Variants in PMFBP1 observed in about 807,000 individuals in gnomAD.
PMFBP1 encodes polyamine modulated factor 1 binding protein 1.
PMFBP1 carries 131 observed loss-of-function variants against 137.8 expected under a neutral mutation model. The ratio of observed to expected loss-of-function variants is 0.95; its 90% CI spans 0.82 to 1.10. PMFBP1 has a LOEUF of 1.10. PMFBP1 is among the 50% of genes least tolerant of loss of function. PMFBP1 has a pLI of 0.00. For missense variants in PMFBP1, 1,199 were observed against 1,175.4 expected (o/e 1.02, Z -0.29); for synonymous variants, 490 against 450.4 (o/e 1.09, Z -1.11).
downstream of PMFBP1, among the ~76,000 whole-genome samples, chr16:72,118,660 G>A (rs2042332164): frequency 6.6e-6 from 1 of 152,140 alleles, no homozygotes; most frequent in Non-Finnish European, 1.5e-5. Flanking sequence ...AATATTAGCT[G>A]TCCTTAGAGT....
chr16:72,129,134 C>G lies in PMFBP1; in HGVS notation c.1882G>C (p.Glu628Gln), dbSNP rs749653850. 2.5e-6 allele frequency: 4 copies of G among 1,614,270 alleles called. No individual in the cohort carries two copies. In the East Asian group the frequency reaches 8.9e-5, roughly 36 times the overall value. The change falls in exon 13 of 21, where the codon GAG (glutamate) becomes CAG (glutamine). Residue 628 changes from glutamate to glutamine, a missense_variant. By Grantham distance (29) the Glu-to-Gln change is conservative. Transcript: ENST00000237353. Reference sequence around the variant, plus strand: ...TCTCCCTCCATCAGCTTCTCATGCTCTTTGCTCTTCTTCAACTGCTCCCGT... The same window carrying G: ...TCTCCCTCCATCAGCTTCTCATGCTGTTTGCTCTTCTTCAACTGCTCCCGT... ...DKREQLKKSK[E>Q]HEKLMEGELE... is the part of the protein sequence containing the mutation.
At chr16:72,194,282 C>T in the PMFBP1 span, among the ~76,000 whole-genome samples, 101 of 152,242 alleles carry the variant, frequency 6.6e-4, 1 homozygote, top group East Asian at 0.018. Flanking sequence ...AAAACTCATT[C>T]TGCTTTCTCT....
chr16:72,248,608 T>TA, the PMFBP1 span, among the ~76,000 whole-genome samples: 2 of 152,212 alleles, frequency 1.3e-5, no homozygotes, highest in Non-Finnish European at 2.9e-5. Flanking sequence ...CCAAAACAAA[T>TA]ACTTTGAAAG....
chr16:72,160,729 C>T (rs929243080), intron 3 of PMFBP1, among the ~76,000 whole-genome samples: 1 of 152,138 alleles, frequency 6.6e-6, no homozygotes, highest in African/African-American at 2.4e-5. Flanking sequence ...AGGAAGTTAA[C>T]ACTGTCCGGG....
the PMFBP1 span, among the ~76,000 whole-genome samples, chr16:72,238,411 CTT>C: frequency 6.6e-6 from 1 of 152,270 alleles, no homozygotes; most frequent in South Asian, 2.1e-4. Context: ...GCAATGTTGA[CTT>C]TTTATCATGT....
chr16:72,220,737 G>C, the PMFBP1 span, among the ~76,000 whole-genome samples: 1 of 152,228 alleles, frequency 6.6e-6, no homozygotes, highest in Middle Eastern at 3.2e-3. Context: ...AAGGTGGACA[G>C]TGCTGCAGTC....
At chr16:72,202,137 T>C in the PMFBP1 span, among the ~76,000 whole-genome samples, 1 of 152,154 alleles carries the variant, frequency 6.6e-6, no homozygotes, top group Admixed American at 6.5e-5. Context: ...AATGAATGAA[T>C]CAGTGAGTGA....
At chr16:72,200,316 T>A in the PMFBP1 span, among the ~76,000 whole-genome samples, 1 of 152,268 alleles carries the variant, frequency 6.6e-6, no homozygotes, top group Non-Finnish European at 1.5e-5. Context: ...AAACAGATTA[T>A]ATTTTCTAAT....
chr16:72,180,974 C>T (rs986351836), upstream of PMFBP1, among the ~76,000 whole-genome samples: 3 of 152,170 alleles, frequency 2.0e-5, no homozygotes, highest in Non-Finnish European at 4.4e-5. Context: ...GGAGCGGTAG[C>T]TCAGGCCTGT....
the PMFBP1 span, among the ~76,000 whole-genome samples, chr16:72,204,000 T>C: frequency 6.6e-6 from 1 of 152,186 alleles, no homozygotes; most frequent in Non-Finnish European, 1.5e-5. Context: ...CCTGTCTGCC[T>C]CTGTGCCACG....
upstream of PMFBP1, among the ~76,000 whole-genome samples, chr16:72,180,886 T>C (rs2043273896): frequency 6.6e-6 from 1 of 152,152 alleles, no homozygotes; most frequent in Non-Finnish European, 1.5e-5. Flanking sequence ...GTCCCCAAAA[T>C]GAGTGGAAGA....
At chr16:72,155,037 G>C (rs922030011) in intron 3 of PMFBP1, among the ~76,000 whole-genome samples, 2 of 152,076 alleles carry the variant, frequency 1.3e-5, no homozygotes, top group African/African-American at 4.8e-5. Flanking sequence ...GTGTGTGTGT[G>C]TATGTGTGTG....
chr16:72,241,052 A>G, the PMFBP1 span, among the ~76,000 whole-genome samples: 2 of 152,144 alleles, frequency 1.3e-5, no homozygotes, highest in Admixed American at 6.6e-5. Context: ...ATCTGTAAAC[A>G]TAACTTATGT....
Position 72,141,949 on chromosome 16 carries a change from C to T in PMFBP1, c.637-1367G>A, listed in dbSNP as rs183157443. Among the ~76,000 whole-genome samples, 107 of 150,168 alleles carry T rather than the reference C, an allele frequency of 7.1e-4. No homozygotes were observed. The East Asian group carries it at 0.016, about 22-fold the overall frequency. ...TCCCTAGATCGTTTGAAATCATGCA[C>T]GAAGGTTACTGCCCTCTTATTGGTT... On this transcript the variant is annotated intron_variant, in intron 5 of 20. Coordinates refer to ENST00000237353, the MANE Select transcript of PMFBP1 (RefSeq NM_031293.3).
rs1396422542 is a variant in PMFBP1 at position 72,135,815 on chromosome 16, G to A, written c.1203+633C>T. Among the ~76,000 whole-genome samples, 8 of 128,514 alleles carry A rather than the reference G, an allele frequency of 6.2e-5. No individual in the cohort carries two copies. In the South Asian group the frequency reaches 1.0e-3, roughly 17 times the overall value. 84.3% of individuals were successfully genotyped at this position (128,514 alleles called of 152,430 possible). On this transcript the variant is annotated intron_variant, in intron 9 of 20. Coordinates refer to ENST00000237353, the MANE Select transcript of PMFBP1 (RefSeq NM_031293.3). ...AGGCTGGAGTGCATGGCATGATCAC[G>A]ACTCACTGCAACCTCCACCTCCTGG...
the PMFBP1 span, among the ~76,000 whole-genome samples, chr16:72,229,515 TTTTTTTC>T: frequency 4.6e-5 from 7 of 152,174 alleles, no homozygotes; most frequent in Non-Finnish European, 2.9e-5. Flanking sequence ...CACCAATATT[TTTTTTTC>T]TTTTTTCTTT....
chr16:72,165,864 T>C (rs1347761301), intron 2 of PMFBP1, among the ~76,000 whole-genome samples: 2 of 152,142 alleles, frequency 1.3e-5, no homozygotes, highest in South Asian at 2.1e-4. Flanking sequence ...GACTGAGATA[T>C]AAATAGAATG....
At chr16:72,158,900 C>A (rs895499350) in intron 3 of PMFBP1, among the ~76,000 whole-genome samples, 46 of 152,106 alleles carry the variant, frequency 3.0e-4, no homozygotes, top group African/African-American at 1.0e-3. Context: ...GAGGCTGAGG[C>A]GAGAGAATCA....
chr16:72,154,354 G>T lies in PMFBP1; in HGVS notation c.271C>A (p.Leu91Met), dbSNP rs755202400. 6.2e-7 allele frequency: 1 copy of T among 1,614,158 alleles called. No homozygotes were observed. ...RQLQQLKKKL[L>M]VLQQELEFHT... is the part of the protein sequence containing the mutation. ...AACTCCAGTTCTTGTTGAAGGACCA[G>T]CAATTTTTTCTTCAGTTGCTGGAGT... is the stretch of plus-strand genomic sequence containing the variant. Residue 91 changes from leucine to methionine, a missense_variant, in exon 4 of 21, where the codon CTG becomes ATG. Coordinates refer to ENST00000237353, the MANE Select transcript of PMFBP1 (RefSeq NM_031293.3).
Sources: allele counts gnomAD v4.1 joint callset (sites outside exome capture counted in the v4.1 genomes callset), GRCh38; gene constraint gnomAD v4.1.1; transcripts MANE v1.5; gene names NCBI Gene and HGNC (gene_info 2026-07-23, HGNC 2026-07-21).